Variants in MAGI3 observed in about 807,000 individuals in gnomAD.
The protein encoded by MAGI3 is membrane-associated guanylate kinase, WW and PDZ domain-containing protein 3.
Under a neutral mutation model 121.8 loss-of-function variants are expected in MAGI3, and 43 were observed. The ratio of observed to expected loss-of-function variants is 0.35; its 90% CI spans 0.28 to 0.46. The LOEUF is 0.46. Ranked by LOEUF, MAGI3 falls within the 20% of genes least tolerant of loss-of-function variation. MAGI3 has a pLI of 1.00. For missense variants in MAGI3, 1,547 were observed against 1,797.3 expected (o/e 0.86, Z 2.52); for synonymous variants, 553 against 639.3 (o/e 0.86, Z 2.04).
At chr1:113,427,525 G>C (rs1241389375) in intron 1 of MAGI3, among the ~76,000 whole-genome samples, 3 of 152,192 alleles carry the variant, frequency 2.0e-5, no homozygotes, top group African/African-American at 7.2e-5. Context: ...ACTGCCTTCT[G>C]TACCAAATTG....
intron 19 of MAGI3, among the ~76,000 whole-genome samples, chr1:113,677,174 G>A (rs1439526144): frequency 6.6e-6 from 1 of 152,190 alleles, no homozygotes; most frequent in Non-Finnish European, 1.5e-5. Flanking sequence ...AAGGAACTGA[G>A]AAATAGCTGA....
chr1:113,521,404 TTG>T (rs1359099431), intron 1 of MAGI3, among the ~76,000 whole-genome samples: 1 of 130,454 alleles, frequency 7.7e-6, no homozygotes, highest in African/African-American at 2.8e-5. Context: ...CTGTTTTTTT[TTG>T]TTTTTTGTTT....
At chr1:113,453,308 A>T (rs1654577586) in intron 1 of MAGI3, among the ~76,000 whole-genome samples, 2 of 152,266 alleles carry the variant, frequency 1.3e-5, no homozygotes, top group South Asian at 2.1e-4. Context: ...TCCTGTTTCC[A>T]ATTCAAATTT....
intron 2 of MAGI3, among the ~76,000 whole-genome samples, chr1:113,575,939 C>T (rs1371475724): frequency 6.6e-6 from 1 of 152,192 alleles, no homozygotes; most frequent in African/African-American, 2.4e-5. Context: ...TTTTTCTGCG[C>T]TGCAGTGAGT....
chr1:113,644,442 A>C (rs1652723496), intron 11 of MAGI3, among the ~76,000 whole-genome samples: 1 of 152,058 alleles, frequency 6.6e-6, no homozygotes, highest in Admixed American at 6.6e-5. Flanking sequence ...CACCACACCC[A>C]GCTAATTTTT....
chr1:113,492,028 G>A (rs1656693137), intron 1 of MAGI3, among the ~76,000 whole-genome samples: 1 of 152,150 alleles, frequency 6.6e-6, no homozygotes, highest in South Asian at 2.1e-4. Context: ...TATGAGGCCA[G>A]CATCATCCTG....
At position 113,405,900 on chromosome 1, in the gene MAGI3, G is replaced by C. The variant is rs377704608; in HGVS notation, c.316+14551G>C. Among the ~76,000 whole-genome samples the C allele has an allele frequency of 5.9e-5, 9 of 152,226 alleles. No individual in the cohort carries two copies. The South Asian group carries it at 1.2e-3, about 21-fold the overall frequency. ...GTGAGTTGTTCAGTCTGAGGAGTTAGGTATAAACCCAGAGTGGTATTCTCT... is the reference window on the plus strand; with the variant it reads ...GTGAGTTGTTCAGTCTGAGGAGTTACGTATAAACCCAGAGTGGTATTCTCT... On this transcript the variant is annotated intron_variant, in intron 1 of 20. Transcript: ENST00000307546.
intron 2 of MAGI3, among the ~76,000 whole-genome samples, chr1:113,562,095 G>A (rs553471576): frequency 2.0e-5 from 3 of 152,064 alleles, no homozygotes; most frequent in Non-Finnish European, 2.9e-5. Context: ...AACTACAAAC[G>A]ACTGCTCAAA....
intron 2 of MAGI3, among the ~76,000 whole-genome samples, chr1:113,560,474 C>T (rs1660188088): frequency 1.3e-5 from 2 of 151,622 alleles, no homozygotes; most frequent in African/African-American, 4.8e-5. Context: ...CACTTAAAAC[C>T]ATACAACTAC....
At chr1:113,600,673 T>A (rs1215755544) in intron 6 of MAGI3, among the ~76,000 whole-genome samples, 1 of 146,222 alleles carries the variant, frequency 6.8e-6, no homozygotes, top group East Asian at 2.0e-4. Flanking sequence ...TTCAATGCCA[T>A]CCCCATCAAG....
At chr1:113,661,630 T>G (rs1653789444) in intron 16 of MAGI3, among the ~76,000 whole-genome samples, 1 of 152,246 alleles carries the variant, frequency 6.6e-6, no homozygotes, top group Admixed American at 6.5e-5. Context: ...AGATTGTTCA[T>G]AATTTTTCTT....
intron 1 of MAGI3, among the ~76,000 whole-genome samples, chr1:113,458,450 A>G (rs796113381): frequency 1.5e-4 from 23 of 152,272 alleles, no homozygotes; most frequent in African/African-American, 5.5e-4. Flanking sequence ...CCCGGAAGTC[A>G]TTATTATCAT....
intron 9 of MAGI3, among the ~76,000 whole-genome samples, chr1:113,634,554 G>A (rs1651879007): frequency 1.3e-5 from 2 of 152,142 alleles, no homozygotes; most frequent in South Asian, 4.1e-4. Flanking sequence ...TAGATGTGCG[G>A]CGTTATTTCT....
chr1:113,600,754 G>A (rs560815648), intron 6 of MAGI3, among the ~76,000 whole-genome samples: 49 of 152,168 alleles, frequency 3.2e-4, no homozygotes, highest in Non-Finnish European at 5.1e-4. Flanking sequence ...AAAAGAGTCC[G>A]CATTGCCAAG....
intron 1 of MAGI3, among the ~76,000 whole-genome samples, chr1:113,462,146 T>A (rs1044769103): frequency 6.6e-6 from 1 of 152,110 alleles, no homozygotes; most frequent in Non-Finnish European, 1.5e-5. Context: ...TGTGGAAAGC[T>A]GTATGATGAT....
intron 1 of MAGI3, among the ~76,000 whole-genome samples, chr1:113,431,894 TG>T (rs1390711165): frequency 2.0e-5 from 3 of 152,162 alleles, no homozygotes; most frequent in Non-Finnish European, 4.4e-5. Flanking sequence ...CCTGGAAACT[TG>T]GAGAAGAACA....
At chr1:113,414,104 T>A (rs1652163200) in intron 1 of MAGI3, among the ~76,000 whole-genome samples, 1 of 152,216 alleles carries the variant, frequency 6.6e-6, no homozygotes. Flanking sequence ...TTGAATTTTG[T>A]CAAAGGCCTT....
At chr1:113,456,697 A>G (rs1473478187) in intron 1 of MAGI3, among the ~76,000 whole-genome samples, 12 of 152,218 alleles carry the variant, frequency 7.9e-5, no homozygotes, top group Admixed American at 7.9e-4. Context: ...CATTCTTTAT[A>G]AAAGTATTTA....
chr1:113,503,712 A>G (rs1257010271), intron 1 of MAGI3, among the ~76,000 whole-genome samples: 3 of 152,134 alleles, frequency 2.0e-5, no homozygotes, highest in Non-Finnish European at 4.4e-5. Flanking sequence ...TAAGAACATT[A>G]CACTTAAATT....
Sources: allele counts gnomAD v4.1 joint callset (sites outside exome capture counted in the v4.1 genomes callset), GRCh38; gene constraint gnomAD v4.1.1; transcripts MANE v1.5; gene names NCBI Gene and HGNC (gene_info 2026-07-23, HGNC 2026-07-21).